Variants in TAFA1 observed in about 807,000 individuals in gnomAD.
The protein encoded by TAFA1 is TAFA chemokine like family member 1.
In TAFA1, 4 loss-of-function variants were observed where a neutral mutation model predicts 18.5. The ratio of observed to expected loss-of-function variants is 0.22; its 90% CI spans 0.11 to 0.49. The LOEUF (loss-of-function observed/expected upper bound fraction) is 0.49, where lower values mean the gene tolerates loss of function less well. Ranked by LOEUF, TAFA1 falls within the 20% of genes least tolerant of loss-of-function variation. TAFA1 has a pLI of 0.98. For missense variants in TAFA1, 147 were observed against 169.0 expected (o/e 0.87, Z 0.72); for synonymous variants, 56 against 55.2 (o/e 1.01, Z -0.06).
intron 2 of TAFA1, among the ~76,000 whole-genome samples, chr3:68,352,608 C>T (rs1162891111): frequency 6.6e-6 from 1 of 151,988 alleles, no homozygotes; most frequent in Non-Finnish European, 1.5e-5. Flanking sequence ...AAGCATTCTT[C>T]CTTTGTTTGC....
chr3:68,328,156 G>A (rs72626979), intron 2 of TAFA1, among the ~76,000 whole-genome samples: 3,657 of 152,200 alleles, frequency 0.024, 69 homozygotes, highest in East Asian at 0.098. Context: ...AAACTGGAAA[G>A]CCAGCCTCAT....
intron 2 of TAFA1, among the ~76,000 whole-genome samples, chr3:68,211,248 A>G (rs1220647322): frequency 1.3e-5 from 2 of 152,014 alleles, no homozygotes; most frequent in Non-Finnish European, 2.9e-5. Context: ...GGTGGCAATA[A>G]TCACTGGTGC....
intron 2 of TAFA1, among the ~76,000 whole-genome samples, chr3:68,313,808 G>A (rs1403260616): frequency 1.3e-5 from 2 of 152,140 alleles, no homozygotes; most frequent in Non-Finnish European, 2.9e-5. Context: ...TATTCTGATG[G>A]CCCTTGCCTC....
chr3:68,411,220 T>C (rs773653494), intron 2 of TAFA1, among the ~76,000 whole-genome samples: 32 of 152,178 alleles, frequency 2.1e-4, no homozygotes, highest in Non-Finnish European at 3.8e-4. Flanking sequence ...GTATCATGGG[T>C]GGGCCCAAGT....
intron 3 of TAFA1, among the ~76,000 whole-genome samples, chr3:68,431,102 A>AG (rs1019317826): frequency 1.3e-4 from 19 of 151,930 alleles, no homozygotes; most frequent in Non-Finnish European, 2.6e-4. Context: ...CCCCTACAAA[A>AG]GCCTCTATAA....
Position 68,417,503 on chromosome 3 carries a change from T to C in TAFA1, c.259+83T>C. ...AATTTCTTGTTTTATCTAATATGGT[T>C]CCAGATAATGAACAAGGTGCATCCG... On this transcript the variant is annotated intron_variant, in intron 3 of 4. Coordinates refer to ENST00000478136, the MANE Select transcript of TAFA1 (RefSeq NM_213609.4). 3 of 1,320,924 alleles carry C rather than the reference T, an allele frequency of 2.3e-6. 1 individual carries two copies. The South Asian group carries it at 4.4e-5, about 20-fold the overall frequency. 81.8% of individuals were successfully genotyped at this position (1,320,924 alleles called of 1,614,324 possible). A position where few individuals can be genotyped will look rare whatever the true frequency, so the allele number is the denominator to read the frequency against.
At chr3:68,365,079 T>A (rs530697166) in intron 2 of TAFA1, among the ~76,000 whole-genome samples, 8 of 152,292 alleles carry the variant, frequency 5.3e-5, no homozygotes, top group African/African-American at 7.2e-5. Context: ...GTTTGTTATA[T>A]TAATAGTAGT....
intron 2 of TAFA1, among the ~76,000 whole-genome samples, chr3:68,380,152 T>C (rs1289166095): frequency 6.6e-6 from 1 of 152,196 alleles, no homozygotes; most frequent in Non-Finnish European, 1.5e-5. Flanking sequence ...CACATTTTCT[T>C]AATCCAATCT....
At chr3:68,115,219 T>A (rs1165495217) in intron 2 of TAFA1, among the ~76,000 whole-genome samples, 1 of 152,188 alleles carries the variant, frequency 6.6e-6, no homozygotes, top group East Asian at 1.9e-4. Context: ...ATTAATTAGT[T>A]AGTGCACTTA....
intron 2 of TAFA1, among the ~76,000 whole-genome samples, chr3:68,053,641 C>A (rs1347193388): frequency 6.6e-6 from 1 of 152,112 alleles, no homozygotes; most frequent in East Asian, 1.9e-4. Flanking sequence ...GCAAATTAAG[C>A]TTCCAGCAAA....
intron 2 of TAFA1, among the ~76,000 whole-genome samples, chr3:68,322,556 G>A (rs1482959708): frequency 6.6e-6 from 1 of 152,158 alleles, no homozygotes; most frequent in Admixed American, 6.5e-5. Flanking sequence ...CTGTGGCCAG[G>A]CACAGTGGCT....
intron 2 of TAFA1, among the ~76,000 whole-genome samples, chr3:68,123,878 CAAAAAAAAAAAAAAA>C (rs758966848): frequency 1.9e-3 from 140 of 72,142 alleles, no homozygotes; most frequent in African/African-American, 7.8e-3. Context: ...CTTTTTTTTC[CAAAAAAAAAAAAAAA>C]AAAAAAAAAA....
At chr3:68,090,997 G>A (rs1039213852) in intron 2 of TAFA1, among the ~76,000 whole-genome samples, 1 of 152,268 alleles carries the variant, frequency 6.6e-6, no homozygotes, top group East Asian at 1.9e-4. Context: ...TATTAGGAGA[G>A]CACTGAAATG....
At chr3:68,288,252 C>T (rs976222873) in intron 2 of TAFA1, among the ~76,000 whole-genome samples, 1 of 152,168 alleles carries the variant, frequency 6.6e-6, no homozygotes, top group Admixed American at 6.5e-5. Flanking sequence ...GAGCCGGGTT[C>T]CAGGCCCACG....
At chr3:68,017,444 G>C (rs1362310141) in intron 2 of TAFA1, among the ~76,000 whole-genome samples, 1 of 152,172 alleles carries the variant, frequency 6.6e-6, no homozygotes, top group Admixed American at 6.6e-5. Flanking sequence ...TGCTCACACA[G>C]AGCCTAGATG....
chr3:68,393,631 C>T (rs915714387), intron 2 of TAFA1, among the ~76,000 whole-genome samples: 5 of 151,996 alleles, frequency 3.3e-5, no homozygotes, highest in Admixed American at 2.0e-4. Context: ...ACTGACAGAC[C>T]GAATCCATCA....
chr3:68,376,042 G>T (rs1029270609), intron 2 of TAFA1, among the ~76,000 whole-genome samples: 1 of 152,042 alleles, frequency 6.6e-6, no homozygotes, highest in Non-Finnish European at 1.5e-5. Flanking sequence ...TTTATCTATT[G>T]TTTGTCTTTG....
At chr3:68,291,519 T>C (rs955088380) in intron 2 of TAFA1, among the ~76,000 whole-genome samples, 2 of 152,098 alleles carry the variant, frequency 1.3e-5, no homozygotes, top group African/African-American at 4.8e-5. Flanking sequence ...GGAGGGAGAT[T>C]TTGACCTAAG....
At chr3:68,226,158 T>C (rs1253712994) in intron 2 of TAFA1, among the ~76,000 whole-genome samples, 1 of 152,208 alleles carries the variant, frequency 6.6e-6, no homozygotes, top group African/African-American at 2.4e-5. Context: ...TTTCCCACTG[T>C]TCCTTAGAGC....
Sources: gnomAD v4.1 joint callset for allele counts (sites outside exome capture counted in the v4.1 genomes callset) on GRCh38, gnomAD v4.1.1 for gene constraint, MANE v1.5 for transcripts, NCBI Gene and HGNC (gene_info 2026-07-23, HGNC 2026-07-21) for gene names.